PCDH9: variants seen among roughly 807,000 people sequenced by gnomAD.
PCDH9 encodes the protein protocadherin 9, also known as protocadherin-9.
PCDH9 carries 24 observed loss-of-function variants against 70.6 expected under a neutral mutation model. The observed-to-expected ratio is 0.34, with a 90% confidence interval of 0.25 to 0.48. The LOEUF is 0.48. PCDH9 is among the 20% of genes least tolerant of loss of function. The pLI is 0.99. For synonymous variants in PCDH9, 562 were observed against 558.5 expected, an observed-to-expected ratio of 1.01 and a Z score of -0.09; for missense variants, 1,281 against 1,503.6, an observed-to-expected ratio of 0.85 and a Z score of 2.45.
intron 3 of PCDH9, among the ~76,000 whole-genome samples, chr13:66,849,810 G>A (rs992264577): frequency 1.3e-5 from 2 of 152,086 alleles, no homozygotes; most frequent in Middle Eastern, 3.2e-3. Flanking sequence ...TTTATCACCC[G>A]TAAGTCTTCA....
At chr13:67,106,704 G>T (rs1362457582) in intron 2 of PCDH9, among the ~76,000 whole-genome samples, 1 of 152,210 alleles carries the variant, frequency 6.6e-6, no homozygotes, top group Non-Finnish European at 1.5e-5. Flanking sequence ...CATGGCTGCG[G>T]ATTGGGCATC....
chr13:66,617,873 G>C (rs565401657), intron 4 of PCDH9, among the ~76,000 whole-genome samples: 1 of 152,286 alleles, frequency 6.6e-6, no homozygotes, highest in African/African-American at 2.4e-5. Context: ...TCCACAAAAC[G>C]GCGTCCCCTG....
chr13:66,505,775 G>A (rs1393108858), intron 4 of PCDH9, among the ~76,000 whole-genome samples: 1 of 152,094 alleles, frequency 6.6e-6, no homozygotes, highest in African/African-American at 2.4e-5. Flanking sequence ...CAATACGTGG[G>A]AATTATGGGA....
chr13:67,150,623 T>A (rs913592141), intron 2 of PCDH9, among the ~76,000 whole-genome samples: 1 of 152,192 alleles, frequency 6.6e-6, no homozygotes, highest in Admixed American at 6.5e-5. Context: ...ACACAATACA[T>A]CCAAAACATG....
intron 3 of PCDH9, among the ~76,000 whole-genome samples, chr13:66,732,849 T>G (rs1490067667): frequency 6.6e-6 from 1 of 152,048 alleles, no homozygotes; most frequent in Admixed American, 6.6e-5. Context: ...CTATGAGAGA[T>G]ATTTTATGGC....
chr13:66,366,925 C>G (rs565964823), intron 4 of PCDH9, among the ~76,000 whole-genome samples: 1 of 152,200 alleles, frequency 6.6e-6, no homozygotes, highest in East Asian at 1.9e-4. Flanking sequence ...TTACCTCAAA[C>G]ATTACATGCC....
At chr13:66,441,485 G>C (rs1219182365) in intron 4 of PCDH9, among the ~76,000 whole-genome samples, 2 of 152,100 alleles carry the variant, frequency 1.3e-5, no homozygotes, top group Non-Finnish European at 2.9e-5. Context: ...AGCAAGATAA[G>C]TATTAAATAA....
rs112974062 is a variant in PCDH9, at chr13:66,763,885, G to A, written c.3139-132474C>T. 4.6e-3 allele frequency among the ~76,000 whole-genome samples: 697 copies of A among 151,934 alleles called. 8 individuals are homozygous for A. The highest frequency in any genetic ancestry group is 0.016 in the African/African-American group (654 of 41,368). ...ACAATCTCAGCTCACTGCAACCTCC[G>A]CCTCCTGGATTCAAGCAATTCTTCT... On this transcript the variant is annotated intron_variant, in intron 3 of 4. Coordinates refer to ENST00000377865, the MANE Select transcript of PCDH9 (RefSeq NM_203487.3).
chr13:66,610,893 G>T (rs1342441239), intron 4 of PCDH9, among the ~76,000 whole-genome samples: 3 of 151,984 alleles, frequency 2.0e-5, no homozygotes, highest in African/African-American at 7.3e-5. Context: ...TTTTGGTCTG[G>T]ATAGTTTCAC....
At chr13:66,689,829 C>CA (rs2078456858) in intron 3 of PCDH9, among the ~76,000 whole-genome samples, 1 of 152,146 alleles carries the variant, frequency 6.6e-6, no homozygotes, top group South Asian at 2.1e-4. Context: ...GAGCTGTTGA[C>CA]AAAACAGTAC....
At chr13:66,623,811 G>A (rs1446781915) in intron 4 of PCDH9, among the ~76,000 whole-genome samples, 2 of 152,104 alleles carry the variant, frequency 1.3e-5, no homozygotes, top group African/African-American at 4.8e-5. Flanking sequence ...CTAATTTACA[G>A]TATTAGTGGG....
intron 2 of PCDH9, chr13:67,213,229 A>AAAAAAAAAAG (rs1249504833): frequency 9.3e-6 from 1 of 107,304 alleles, no homozygotes; most frequent in Admixed American, 9.5e-5. Flanking sequence ...AAAAAAAAAA[A>AAAAAAAAAAG]AAAAAAAAAG....
intron 4 of PCDH9, among the ~76,000 whole-genome samples, chr13:66,580,820 C>A (rs559116264): frequency 1.3e-5 from 2 of 151,958 alleles, no homozygotes; most frequent in African/African-American, 2.4e-5. Context: ...ATAATTTTGA[C>A]AATTCTTCCC....
intron 2 of PCDH9, among the ~76,000 whole-genome samples, chr13:67,182,543 T>C (rs1213444627): frequency 6.6e-6 from 1 of 150,958 alleles, no homozygotes; most frequent in Non-Finnish European, 1.5e-5. Flanking sequence ...TCTCTAAAAA[T>C]AAAAAAAAAT....
chr13:66,338,480 T>C (rs528910792), intron 4 of PCDH9, among the ~76,000 whole-genome samples: 14 of 152,230 alleles, frequency 9.2e-5, no homozygotes, highest in African/African-American at 3.1e-4. Context: ...AAGTAAATAT[T>C]TTCTGAAGCT....
At chr13:66,934,449 G>A (rs545408071) in intron 2 of PCDH9, among the ~76,000 whole-genome samples, 1 of 150,038 alleles carries the variant, frequency 6.7e-6, no homozygotes, top group South Asian at 2.1e-4. Flanking sequence ...GCTGAGAGAG[G>A]AGAATCACTT....
intron 2 of PCDH9, among the ~76,000 whole-genome samples, chr13:66,986,814 A>C (rs929414774): frequency 6.6e-6 from 1 of 152,020 alleles, no homozygotes; most frequent in African/African-American, 2.4e-5. Flanking sequence ...AATAATTTTT[A>C]AAGTGTTTAA....
At position 66,325,474 on chromosome 13, in the gene PCDH9, T is replaced by TGTAGAG. The variant is rs1194483609; in HGVS notation, c.3341-20447_3341-20446insCTCTAC. 4.1e-4 allele frequency among the ~76,000 whole-genome samples: 63 copies of TGTAGAG among 152,124 alleles called. No individual in the cohort carries two copies. In the East Asian group the frequency reaches 0.01, roughly 25 times the overall value. ...AATAATTTTAAGGGCAGAGATAACA[T>TGTAGAG]TTGTGTAGAGTTAAACTATGTCAGC... On this transcript the variant is annotated intron_variant, in intron 4 of 4. Coordinates refer to ENST00000377865, the MANE Select transcript of PCDH9 (RefSeq NM_203487.3).
chr13:67,162,397 G>A lies in PCDH9; in HGVS notation c.3036+63008C>T, dbSNP rs1476633063. 3.3e-5 allele frequency among the ~76,000 whole-genome samples: 5 copies of A among 152,292 alleles called. No homozygotes were observed. In the East Asian group the frequency reaches 9.6e-4, roughly 29 times the overall value. ...AAATTTCAGTTGATTAAGGTGGACT[G>A]GATATTTTCTCTTGGGAATTTTGAT... On this transcript the variant is annotated intron_variant, in intron 2 of 4. Coordinates refer to ENST00000377865, the MANE Select transcript of PCDH9 (RefSeq NM_203487.3).
Sources: allele counts gnomAD v4.1 joint callset (sites outside exome capture counted in the v4.1 genomes callset), GRCh38; gene constraint gnomAD v4.1.1; transcripts MANE v1.5; gene names NCBI Gene and HGNC (gene_info 2026-07-23, HGNC 2026-07-21).